CSMD1: variants seen among roughly 807,000 people sequenced by gnomAD.
CSMD1 encodes CUB and sushi domain-containing protein 1.
Under a neutral mutation model 417.5 loss-of-function variants are expected in CSMD1, and 213 were observed. The observed-to-expected ratio is 0.51, with a 90% CI of 0.46 to 0.57. The LOEUF (loss-of-function observed/expected upper bound fraction) is 0.57, where lower values mean the gene tolerates loss of function less well. Among genes scored for constraint, CSMD1 ranks in the 20% least tolerant of loss-of-function variants. CSMD1 has a pLI of 0.00. For missense variants in CSMD1, 6,923 were observed against 4,529.7 expected (o/e 1.53, Z -15.17); for synonymous variants, 2,862 against 1,736.8 (o/e 1.65, Z -16.11).
At chr8:3,892,571 A>C (rs4875794) in intron 5 of CSMD1, among the ~76,000 whole-genome samples, 86,792 of 151,822 alleles carry the variant, frequency 0.57, 27,139 homozygotes, top group Admixed American at 0.7. Flanking sequence ...GATTACTCTA[A>C]GTAAAACCAG....
chr8:3,538,476 A>T (rs1183615290), intron 10 of CSMD1, among the ~76,000 whole-genome samples: 4 of 151,300 alleles, frequency 2.6e-5, no homozygotes, highest in African/African-American at 4.9e-5. Context: ...CTAAGATGAT[A>T]CACCTGAGAT....
chr8:4,237,201 T>G (rs150253705), intron 3 of CSMD1, among the ~76,000 whole-genome samples: 84 of 152,310 alleles, frequency 5.5e-4, no homozygotes, highest in Middle Eastern at 3.4e-3. Flanking sequence ...TGCACCAACT[T>G]TGCAAATCAA....
intron 1 of CSMD1, among the ~76,000 whole-genome samples, chr8:4,921,358 C>A (rs1337539122): frequency 6.6e-6 from 1 of 152,090 alleles, no homozygotes; most frequent in Non-Finnish European, 1.5e-5. Context: ...TTTAATCTTC[C>A]TAAGCTATCT....
chr8:3,599,057 G>A (rs192250073), intron 8 of CSMD1, among the ~76,000 whole-genome samples: 1 of 151,752 alleles, frequency 6.6e-6, no homozygotes, highest in Admixed American at 6.6e-5. Context: ...CTCCAGCCTG[G>A]GTGTCAGAGC....
intron 3 of CSMD1, among the ~76,000 whole-genome samples, chr8:4,206,746 A>G (rs1229386771): frequency 2.6e-5 from 4 of 152,182 alleles, no homozygotes; most frequent in South Asian, 2.1e-4. Flanking sequence ...GGATTTCAGA[A>G]TATTTCCAAT....
chr8:4,435,218 C>G (rs1044445925), intron 2 of CSMD1, among the ~76,000 whole-genome samples: 6 of 152,134 alleles, frequency 3.9e-5, no homozygotes, highest in African/African-American at 1.4e-4. Context: ...CCAATCTGAT[C>G]TTTGGAAAAT....
At chr8:3,476,445 A>G (rs80174927) in intron 11 of CSMD1, among the ~76,000 whole-genome samples, 2,649 of 152,264 alleles carry the variant, frequency 0.017, 79 homozygotes, top group South Asian at 0.12. Flanking sequence ...TTCTAGGGTA[A>G]ATACTTAGGA....
At chr8:3,374,861 C>A (rs76290436) in intron 18 of CSMD1, among the ~76,000 whole-genome samples, 160 of 152,236 alleles carry the variant, frequency 1.1e-3, no homozygotes, top group African/African-American at 3.6e-3. Flanking sequence ...CCAGACCCTG[C>A]CAAAGTCTTC....
intron 3 of CSMD1, among the ~76,000 whole-genome samples, chr8:4,102,641 G>GT (rs1206788580): frequency 2.0e-5 from 3 of 152,152 alleles, no homozygotes; most frequent in East Asian, 3.9e-4. Flanking sequence ...CCTTTTAAAT[G>GT]TTTTTTGCTG....
intron 5 of CSMD1, among the ~76,000 whole-genome samples, chr8:3,786,857 C>T (rs1237336058): frequency 6.6e-6 from 1 of 152,092 alleles, no homozygotes; most frequent in African/African-American, 2.4e-5. Context: ...GCACTAATCA[C>T]ATTATGAGGG....
intron 5 of CSMD1, among the ~76,000 whole-genome samples, chr8:3,986,759 A>ATGTCT (rs1814350550): frequency 6.6e-6 from 1 of 151,346 alleles, no homozygotes; most frequent in Non-Finnish European, 1.5e-5. Context: ...TGTTTAAGTG[A>ATGTCT]TTTTTCTTTT....
chr8:4,676,732 C>T (rs372196537), intron 1 of CSMD1, among the ~76,000 whole-genome samples: 12 of 152,138 alleles, frequency 7.9e-5, no homozygotes, highest in East Asian at 1.9e-4. Context: ...ATCTCTCCCC[C>T]AGCCCTCCTG....
intron 5 of CSMD1, among the ~76,000 whole-genome samples, chr8:3,840,640 C>G (rs1803070206): frequency 6.6e-6 from 1 of 150,976 alleles, no homozygotes; most frequent in African/African-American, 2.4e-5. Flanking sequence ...TGTGCACTTG[C>G]TAGTGTATAG....
intron 7 of CSMD1, among the ~76,000 whole-genome samples, chr8:3,684,241 T>A (rs1030619710): frequency 1.4e-5 from 2 of 143,378 alleles, no homozygotes; most frequent in African/African-American, 2.5e-5. Context: ...TAATATATAA[T>A]TTATATATTA....
chr8:3,374,252 T>C (rs1810167392), intron 18 of CSMD1, among the ~76,000 whole-genome samples: 1 of 152,050 alleles, frequency 6.6e-6, no homozygotes, highest in African/African-American at 2.4e-5. Context: ...AGCCACCATG[T>C]CCGACCCATC....
In CSMD1 at chr8:4,460,153, TATAA is replaced by T. The variant is rs375398205; in HGVS notation, c.303-40092_303-40089del. Among the ~76,000 whole-genome samples the T allele has an allele frequency of 5.9e-5, 9 of 152,300 alleles. No individual in the cohort carries two copies. In the South Asian group the frequency reaches 1.7e-3, roughly 28 times the overall value. On this transcript the variant is annotated intron_variant, in intron 2 of 69. Transcript: ENST00000635120. ...AGTTTATTTAAAATGAGTGAAATTATATAAATAAATTATCTGAGCTCAATGCAAG... is the reference window on the plus strand; with the variant it reads ...AGTTTATTTAAAATGAGTGAAATTATATAAATTATCTGAGCTCAATGCAAG...
At chr8:3,576,557 A>C (rs1267785330) in intron 9 of CSMD1, among the ~76,000 whole-genome samples, 1 of 152,186 alleles carries the variant, frequency 6.6e-6, no homozygotes, top group Non-Finnish European at 1.5e-5. Context: ...GACCTATTCT[A>C]CATTGATAAG....
chr8:3,583,764 G>A (rs1194430095), intron 9 of CSMD1, among the ~76,000 whole-genome samples: 1 of 152,094 alleles, frequency 6.6e-6, no homozygotes, highest in Non-Finnish European at 1.5e-5. Flanking sequence ...GGCAGAGCGT[G>A]TGGCTGCGCA....
intron 1 of CSMD1, among the ~76,000 whole-genome samples, chr8:4,838,060 G>C (rs960250185): frequency 6.6e-6 from 1 of 152,190 alleles, no homozygotes; most frequent in African/African-American, 2.4e-5. Flanking sequence ...TGGGTGACCA[G>C]GAAGGGACAT....
Sources: allele counts gnomAD v4.1 joint callset (sites outside exome capture counted in the v4.1 genomes callset), GRCh38; gene constraint gnomAD v4.1.1; transcripts MANE v1.5; gene names NCBI Gene and HGNC (gene_info 2026-07-23, HGNC 2026-07-21).